SPTBN1: variants seen among roughly 807,000 people sequenced by gnomAD.
The protein encoded by SPTBN1 is spectrin beta chain, non-erythrocytic 1.
In SPTBN1, 32 loss-of-function variants were observed where a neutral mutation model predicts 266.4. The ratio of observed to expected loss-of-function variants is 0.12; its 90% CI spans 0.09 to 0.16. The LOEUF is 0.16. Ranked by LOEUF, SPTBN1 falls within the 10% of genes least tolerant of loss-of-function variation. The pLI, the probability that SPTBN1 is intolerant of heterozygous loss-of-function variation, is 1.00. For synonymous variants in SPTBN1, 1,336 were observed against 1,162.2 expected, an observed-to-expected ratio of 1.15 and a Z score of -3.04; for missense variants, 2,296 against 3,067.1, an observed-to-expected ratio of 0.75 and a Z score of 5.94.
rs115463148 is a variant in SPTBN1, at chr2:54,668,218, A to C, written c.6877-133A>C. The C allele has an allele frequency of 2.7e-3, 2,096 of 764,720 alleles. 38 individuals are homozygous for C. The African/African-American group carries it at 0.032, about 12-fold the overall frequency. 47.4% of individuals were successfully genotyped at this position (764,720 alleles called of 1,614,324 possible). A position where few individuals can be genotyped will look rare whatever the true frequency, so the allele number is the denominator to read the frequency against. On this transcript the variant is annotated intron_variant, in intron 35 of 35. Coordinates refer to ENST00000356805, the MANE Select transcript of SPTBN1 (RefSeq NM_003128.3). ...TCCTGTACTGATAAGGCAGAGGTGC[A>C]TTTGGGGACAGTGCCCAGAAGTGAC... is the stretch of plus-strand genomic sequence containing the variant.
Position 54,471,800 on chromosome 2 carries a change from A to ATTTTTTTTTTTTTT in SPTBN1, c.-48+15288_-48+15301dup, listed in dbSNP as rs56043354. On this transcript the variant is annotated intron_variant, in intron 1 of 35. Coordinates refer to ENST00000356805, the MANE Select transcript of SPTBN1 (RefSeq NM_003128.3). The stretch of plus-strand genomic sequence containing the variant: ...AGAGGTGCTTTCCTCTTTTTTATCG[A>ATTTTTTTTTTTTTT]TTTTTTTTTTTTTTTTTTTGCTGTT... Among the ~76,000 whole-genome samples the ATTTTTTTTTTTTTT allele has an allele frequency of 5.1e-4, 52 of 102,712 alleles. 1 individual carries two copies. The highest frequency in any genetic ancestry group is 1.7e-3 in the East Asian group (5 of 3,012). The allele number at this position is 102,712 out of a possible 152,430, so 67.4% of individuals were successfully genotyped here.
intron 1 of SPTBN1, among the ~76,000 whole-genome samples, chr2:54,457,727 G>A (rs1434862367): frequency 1.3e-5 from 2 of 152,244 alleles, no homozygotes; most frequent in Non-Finnish European, 1.5e-5. Flanking sequence ...GGCTGCCCTT[G>A]GCCGAGGCCT....
chr2:54,567,918 A>G (rs1200339498), intron 2 of SPTBN1, among the ~76,000 whole-genome samples: 1 of 152,198 alleles, frequency 6.6e-6, no homozygotes, highest in Non-Finnish European at 1.5e-5. Flanking sequence ...ATAACCTCCT[A>G]GAATTTTGAA....
intron 1 of SPTBN1, among the ~76,000 whole-genome samples, chr2:54,456,766 G>C (rs2103758067): frequency 6.6e-6 from 1 of 150,882 alleles, no homozygotes; most frequent in East Asian, 2.0e-4. Flanking sequence ...AGGGGCGGCA[G>C]GCTCTGCGGT....
At chr2:54,660,570 A>G in intron 32 of SPTBN1, 3 of 985,646 alleles carry the variant, frequency 3.0e-6, no homozygotes, top group Non-Finnish European at 3.6e-6. Context: ...GCTGTGTAAC[A>G]TTCCATGAAA....
chr2:54,584,872 C>G (rs989754187), intron 2 of SPTBN1, among the ~76,000 whole-genome samples: 3 of 152,106 alleles, frequency 2.0e-5, no homozygotes, highest in Non-Finnish European at 4.4e-5. Context: ...AGCCAGGTCC[C>G]CACACCTGTT....
chr2:54,555,007 C>T (rs1362244145), intron 2 of SPTBN1, among the ~76,000 whole-genome samples: 1 of 152,188 alleles, frequency 6.6e-6, no homozygotes, highest in African/African-American at 2.4e-5. Context: ...CTAATTGGCA[C>T]ACCACATGCC....
chr2:54,611,095 T>A (rs1677178564), intron 3 of SPTBN1, among the ~76,000 whole-genome samples: 1 of 152,226 alleles, frequency 6.6e-6, no homozygotes, highest in Non-Finnish European at 1.5e-5. Flanking sequence ...TGTATGAGTT[T>A]TGATAATTTT....
intron 2 of SPTBN1, chr2:54,528,620 G>GC (rs1259711337): frequency 1.3e-5 from 2 of 151,762 alleles, no homozygotes; most frequent in Admixed American, 6.6e-5. Flanking sequence ...TAAGAAGCTT[G>GC]CCCAAGGGCT....
At chr2:54,478,311 C>G (rs1667940833) in intron 1 of SPTBN1, among the ~76,000 whole-genome samples, 1 of 152,106 alleles carries the variant, frequency 6.6e-6, no homozygotes, top group Non-Finnish European at 1.5e-5. Context: ...TGGAGTAAGT[C>G]TGCCTTTGAG....
At chr2:54,492,341 G>GTTTTTTTTTTTTTTTTTTTTTTTT (rs780631106) in intron 1 of SPTBN1, among the ~76,000 whole-genome samples, 2 of 88,392 alleles carry the variant, frequency 2.3e-5, no homozygotes, top group Non-Finnish European at 2.3e-5. Flanking sequence ...GTCTGCAGTT[G>GTTTTTTTTTTTTTTTTTTTTTTTT]TTTTTTTGTT....
In SPTBN1 at chr2:54,645,098, C is replaced by A. The variant is rs1679831691; in HGVS notation, c.4270-131C>A. On this transcript the variant is annotated intron_variant, in intron 20 of 35. Transcript: ENST00000356805. The surrounding 1 kb of genome is among the most constrained non-coding windows in gnomAD (Gnocchi z 4.3). ...TTGATGTTGAAAAGCAAGTCAGTGGCAAAATGTTTGAGTGGCTCCCATGGC... is the reference window on the plus strand; with the variant it reads ...TTGATGTTGAAAAGCAAGTCAGTGGAAAAATGTTTGAGTGGCTCCCATGGC... 1 of 876,392 alleles carries A rather than the reference C, an allele frequency of 1.1e-6. No homozygotes were observed. Among genetic ancestry groups the A allele is most frequent in the Non-Finnish European group, 1.8e-6 (1 of 567,722 alleles). 54.3% of individuals were successfully genotyped at this position (876,392 alleles called of 1,614,324 possible). A position where few individuals can be genotyped will look rare whatever the true frequency, so the allele number is the denominator to read the frequency against.
intron 1 of SPTBN1, among the ~76,000 whole-genome samples, chr2:54,485,148 C>T (rs1668287446): frequency 6.6e-6 from 1 of 151,454 alleles, no homozygotes; most frequent in South Asian, 2.1e-4. Flanking sequence ...ACAATCGCCT[C>T]TCCCTCTCCC....
At chr2:54,569,719 T>A (rs1462138827) in intron 2 of SPTBN1, among the ~76,000 whole-genome samples, 1 of 152,150 alleles carries the variant, frequency 6.6e-6, no homozygotes, top group Middle Eastern at 3.2e-3. Context: ...TTCTGTGTAA[T>A]GAGATTGTTG....
chr2:54,632,831 T>A, intron 17 of SPTBN1, 63 bp downstream of exon 17: 1 of 1,569,926 alleles, frequency 6.4e-7, no homozygotes. Context: ...TTCTGAATCA[T>A]TGGCCAGAAG....
Position 54,629,418 on chromosome 2 carries a change from G to A in SPTBN1, c.2284G>A (p.Asp762Asn). The A allele has an allele frequency of 6.2e-7, 1 of 1,614,152 alleles. No individual in the cohort carries two copies. The highest frequency in any genetic ancestry group is 2.2e-5 in the East Asian group (1 of 44,888). Residue 762 changes from aspartate (D) to asparagine (N), a missense_variant, in exon 14 of 36, where the codon GAC (aspartate) becomes AAC (asparagine). By Grantham distance (23) the Asp-to-Asn change is conservative. Transcript: ENST00000356805. ...TGATGACATTGATGCCTGGATGCTG[G>A]ACATCCTCAAGATTGTCTCCAGCAG... ...DADDIDAWML[D>N]ILKIVSSSDV...
At chr2:54,487,397 A>G (rs986683651) in intron 1 of SPTBN1, among the ~76,000 whole-genome samples, 2 of 93,282 alleles carry the variant, frequency 2.1e-5, no homozygotes, top group Non-Finnish European at 3.9e-5. Context: ...TACTATATGC[A>G]TGACATACTA....
intron 1 of SPTBN1, among the ~76,000 whole-genome samples, chr2:54,522,697 G>GAGAGAAAGAGAAAGAAAGAAAGAA (rs1553439438): frequency 3.1e-4 from 30 of 97,328 alleles, no homozygotes; most frequent in African/African-American, 1.1e-3. Flanking sequence ...GAGAGAGAGA[G>GAGAGAAAGAGAAAGAAAGAAAGAA]AGAAAGAAAG....
intron 1 of SPTBN1, among the ~76,000 whole-genome samples, chr2:54,483,980 A>G (rs1458071211): frequency 6.6e-6 from 1 of 152,062 alleles, no homozygotes; most frequent in Non-Finnish European, 1.5e-5. Flanking sequence ...AGATCACCTG[A>G]GCCCAGGGGT....
Sources: gnomAD v4.1 joint callset for allele counts (sites outside exome capture counted in the v4.1 genomes callset) on GRCh38, gnomAD v4.1.1 for gene constraint, Gnocchi (gnomAD v3.1) non-coding constraint, MANE v1.5 for transcripts, NCBI Gene and HGNC (gene_info 2026-07-23, HGNC 2026-07-21) for gene names.